The following RAB33B variants were observed in gnomAD, a reference collection of about 807,000 sequenced individuals.
The protein encoded by RAB33B is RAB33B, member RAS oncogene family.
RAB33B carries 6 observed loss-of-function variants against 15.0 expected under a neutral mutation model. The observed-to-expected ratio is 0.40, with a 90% CI of 0.22 to 0.79. The LOEUF is 0.79. Ranked by LOEUF, RAB33B falls within the 30% of genes least tolerant of loss-of-function variation. RAB33B has a pLI of 0.37. For synonymous variants in RAB33B, 117 were observed against 108.3 expected, an observed-to-expected ratio of 1.08 and a Z score of -0.50; for missense variants, 257 against 296.4, an observed-to-expected ratio of 0.87 and a Z score of 0.98.
Position 139,454,283 on chromosome 4 carries a change from C to A in RAB33B, c.88C>A (p.Arg30Ser). 1 of 1,614,120 alleles carries A rather than the reference C, an allele frequency of 6.2e-7. No homozygotes were observed. The highest frequency in any genetic ancestry group is 8.5e-7 in the Non-Finnish European group (1 of 1,180,002). ...SGASGFLPPARSRIFKIIVIG... is the reference protein window; with the variant it reads ...SGASGFLPPASSRIFKIIVIG... Reference sequence around the variant, plus strand: ...GGCCTCAGGGTTTTTGCCTCCTGCCCGCTCCCGCATCTTCAAGATAATCGT... The same window carrying A: ...GGCCTCAGGGTTTTTGCCTCCTGCCAGCTCCCGCATCTTCAAGATAATCGT... Residue 30 changes from arginine to serine, a missense_variant, in exon 1 of 2, where the codon CGC becomes AGC. Arg to Ser is a moderately radical substitution (Grantham distance 110). Transcript: ENST00000305626.
the RAB33B span, among the ~76,000 whole-genome samples, chr4:139,444,235 A>G: frequency 6.6e-6 from 1 of 152,028 alleles, no homozygotes; most frequent in Non-Finnish European, 1.5e-5. Context: ...CTAATAGTTT[A>G]TTTGCTTGGT....
chr4:139,456,109 T>G (rs1750063698), intron 1 of RAB33B, among the ~76,000 whole-genome samples: 1 of 152,188 alleles, frequency 6.6e-6, no homozygotes, highest in African/African-American at 2.4e-5. Context: ...AGGACATATA[T>G]GAAGCACCTG....
intron 1 of RAB33B, among the ~76,000 whole-genome samples, chr4:139,460,135 G>A (rs1320312903): frequency 3.3e-5 from 5 of 152,212 alleles, no homozygotes; most frequent in Non-Finnish European, 7.3e-5. Context: ...AGGACTAGAT[G>A]AGTGAGGTTG....
upstream of RAB33B, chr4:139,452,988 T>A (rs1360784147): frequency 1.3e-5 from 2 of 152,258 alleles, no homozygotes; most frequent in African/African-American, 4.8e-5. Context: ...TGGGGCCTTT[T>A]GTATGACAAT....
In RAB33B at chr4:139,473,068, C is replaced by G. The variant is rs1408459156; in HGVS notation, c.632C>G (p.Pro211Arg). Reference protein sequence around the residue: ...SHKPLMLSQPPDNGIILKPEP... With the variant: ...SHKPLMLSQPRDNGIILKPEP... ...AAACCATTAATGCTTAGTCAGCCCC[C>G]TGATAATGGAATTATCCTGAAGCCT... is the stretch of plus-strand genomic sequence containing the variant. The change falls in exon 2 of 2, where the codon CCT becomes CGT. Residue 211 changes from proline to arginine, a missense_variant. Coordinates refer to ENST00000305626, the MANE Select transcript of RAB33B (RefSeq NM_031296.3). 3 of 1,613,924 alleles carry G rather than the reference C, an allele frequency of 1.9e-6. No individual in the cohort carries two copies. The highest frequency in any genetic ancestry group is 1.7e-6 in the Non-Finnish European group (2 of 1,179,932).
At chr4:139,440,792 C>T in the RAB33B span, among the ~76,000 whole-genome samples, 216 of 152,142 alleles carry the variant, frequency 1.4e-3, 1 homozygote, top group Non-Finnish European at 2.3e-3. Context: ...TTATATTTTT[C>T]GTAGAGACGG....
chr4:139,474,778 G>A lies in RAB33B; in HGVS notation c.*1652G>A, dbSNP rs926422735. The stretch of plus-strand genomic sequence containing the variant: ...CAAGCTTACATATTAAACTATTTAC[G>A]TAAATGGAATGTAAGCCATGACTTT... On this transcript the variant is annotated 3_prime_UTR_variant, in exon 2 of 2. Coordinates refer to ENST00000305626, the MANE Select transcript of RAB33B (RefSeq NM_031296.3). The A allele has an allele frequency of 1.3e-5, 2 of 152,464 alleles. No individual in the cohort carries two copies. The highest frequency in any genetic ancestry group is 2.1e-4 in the South Asian group (1 of 4,826). 9.4% of individuals were successfully genotyped at this position (152,464 alleles called of 1,614,324 possible).
upstream of RAB33B, chr4:139,448,958 C>G (rs1365460098): frequency 6.6e-6 from 1 of 152,260 alleles, no homozygotes; most frequent in African/African-American, 2.4e-5. Flanking sequence ...GTGGGGAGGG[C>G]TGCATGTGCT....
rs544250093 is a variant in RAB33B, at chr4:139,463,772, C to G, written c.250-8914C>G. 2.0e-5 allele frequency among the ~76,000 whole-genome samples: 3 copies of G among 152,288 alleles called. No homozygotes were observed. In the East Asian group the frequency reaches 5.8e-4, roughly 29 times the overall value. On this transcript the variant is annotated intron_variant, in intron 1 of 1. Transcript: ENST00000305626. Reference sequence around the variant, plus strand: ...AACAGTTTTTAATCAGTTGTCCTGTCGTGTATTGGCTGGGTCTCTCACTGC... The same window carrying G: ...AACAGTTTTTAATCAGTTGTCCTGTGGTGTATTGGCTGGGTCTCTCACTGC...
At chr4:139,438,985 C>T in the RAB33B span, among the ~76,000 whole-genome samples, 4 of 152,160 alleles carry the variant, frequency 2.6e-5, no homozygotes, top group South Asian at 2.1e-4. Context: ...ACTTCAATTT[C>T]GAAGGACAGT....
intron 1 of RAB33B, among the ~76,000 whole-genome samples, chr4:139,469,771 A>T (rs1750355627): frequency 6.6e-6 from 1 of 152,198 alleles, no homozygotes; most frequent in Non-Finnish European, 1.5e-5. Flanking sequence ...TGATGGTTTT[A>T]GACAAGATCC....
chr4:139,454,209 T>C lies in RAB33B; in HGVS notation c.14T>C (p.Met5Thr), dbSNP rs886251366. The change falls in exon 1 of 2, where the codon ATG becomes ACG. Residue 5 changes from methionine to threonine, a missense_variant. Coordinates refer to ENST00000305626, the MANE Select transcript of RAB33B (RefSeq NM_031296.3). ...CGGGTCGGGGGAATGGCTGAGGAGA[T>C]GGAGTCGTCGCTCGAGGCAAGCTTT... is the stretch of plus-strand genomic sequence containing the variant. MAEE[M>T]ESSLEASFSS... 6.2e-6 allele frequency: 10 copies of C among 1,612,566 alleles called. No homozygotes were observed. The African/African-American group carries it at 6.7e-5, about 11-fold the overall frequency.
intron 1 of RAB33B, among the ~76,000 whole-genome samples, chr4:139,456,951 C>T (rs1033804107): frequency 2.0e-5 from 3 of 152,068 alleles, no homozygotes; most frequent in African/African-American, 4.8e-5. Context: ...GTTCATATTA[C>T]GTCTTTGGAA....
the RAB33B span, among the ~76,000 whole-genome samples, chr4:139,445,356 A>C: frequency 6.6e-6 from 1 of 152,208 alleles, no homozygotes; most frequent in East Asian, 1.9e-4. Flanking sequence ...AAGGTATCAC[A>C]CTGGTCCATT....
upstream of RAB33B, chr4:139,452,369 TA>T (rs1390008602): frequency 6.6e-6 from 1 of 152,178 alleles, no homozygotes; most frequent in Admixed American, 6.5e-5. Context: ...AGAGCTAAAC[TA>T]AAAAGTCCAG....
At position 139,475,171 on chromosome 4, in the gene RAB33B, A is replaced by C. The variant is rs1034895908; in HGVS notation, c.*2045A>C. The C allele has an allele frequency of 6.6e-6, 1 of 152,114 alleles. No homozygotes were observed. Among genetic ancestry groups the C allele is most frequent in the African/African-American group, 2.4e-5 (1 of 41,468 alleles). 9.4% of individuals were successfully genotyped at this position (152,114 alleles called of 1,614,324 possible). A position where few individuals can be genotyped will look rare whatever the true frequency, so the allele number is the denominator to read the frequency against. On this transcript the variant is annotated 3_prime_UTR_variant, in exon 2 of 2. Transcript: ENST00000305626. ...TGTATCGAAATTAACCTTGATTTAT[A>C]ACTATTTTTGTAATAAAACAATGAC...
chr4:139,464,105 C>A lies in RAB33B; in HGVS notation c.250-8581C>A, dbSNP rs571260935. Among the ~76,000 whole-genome samples the A allele has an allele frequency of 5.3e-5, 8 of 152,178 alleles. 1 individual carries two copies. The South Asian group carries it at 1.7e-3, about 32-fold the overall frequency. On this transcript the variant is annotated intron_variant, in intron 1 of 1. Coordinates refer to ENST00000305626, the MANE Select transcript of RAB33B (RefSeq NM_031296.3). ...CTGGGCAACATAGTGTGACCACCCCCCCACTGTCTCTACAAAAAGTAAAAA... is the reference window on the plus strand; with the variant it reads ...CTGGGCAACATAGTGTGACCACCCCACCACTGTCTCTACAAAAAGTAAAAA...
chr4:139,462,656 T>C (rs540075624), intron 1 of RAB33B, among the ~76,000 whole-genome samples: 1 of 152,286 alleles, frequency 6.6e-6, no homozygotes, highest in East Asian at 1.9e-4. Context: ...GTATGTGGAG[T>C]AGAAATGTGT....
At chr4:139,439,502 T>G in the RAB33B span, among the ~76,000 whole-genome samples, 6,074 of 152,322 alleles carry the variant, frequency 0.04, 180 homozygotes, top group Non-Finnish European at 0.066. Context: ...TATCTCAGTA[T>G]GTGTTTCTTT....
Sources: allele counts gnomAD v4.1 joint callset (sites outside exome capture counted in the v4.1 genomes callset), GRCh38; gene constraint gnomAD v4.1.1; transcripts MANE v1.5; gene names NCBI Gene and HGNC (gene_info 2026-07-23, HGNC 2026-07-21).